The following UNKL variants were observed in gnomAD, a reference collection of about 807,000 sequenced individuals.
UNKL encodes the protein putative E3 ubiquitin-protein ligase UNKL.
UNKL carries 60 observed loss-of-function variants against 78.0 expected under a neutral mutation model. The observed-to-expected ratio is 0.77, with a 90% confidence interval of 0.63 to 0.95. The LOEUF is 0.95. Ranked by LOEUF, UNKL falls within the 40% of genes least tolerant of loss-of-function variation. The pLI, the probability that UNKL is intolerant of heterozygous loss-of-function variation, is 0.00. For synonymous variants in UNKL, 608 were observed against 474.8 expected (o/e 1.28, Z -3.65); for missense variants, 1,159 against 1,045.7 (o/e 1.11, Z -1.49).
intron 2 of UNKL, among the ~76,000 whole-genome samples, chr16:1,404,416 T>C (rs1477408069): frequency 6.6e-6 from 1 of 152,000 alleles, no homozygotes; most frequent in African/African-American, 2.4e-5. Context: ...TCCTCTAAGG[T>C]CAGGAAACAG....
At position 1,368,590 on chromosome 16, in the gene UNKL, C is replaced by A. The variant is rs537331541; in HGVS notation, c.1586-732G>T. Reference sequence around the variant, plus strand: ...GCAGTCCGCAGTCCGGCCTGGGCGACAGAATGAGACTCCGTCTCAAAAAAA... The same window carrying A: ...GCAGTCCGCAGTCCGGCCTGGGCGAAAGAATGAGACTCCGTCTCAAAAAAA... On this transcript the variant is annotated intron_variant, in intron 12 of 14. Transcript: ENST00000389221. Among the ~76,000 whole-genome samples, 93 of 102,560 alleles carry A rather than the reference C, an allele frequency of 9.1e-4. 1 individual carries two copies. The South Asian group carries it at 0.025, about 28-fold the overall frequency. 67.3% of individuals were successfully genotyped at this position (102,560 alleles called of 152,430 possible).
In UNKL at chr16:1,365,864, G is replaced by T. The variant is rs1202344969; in HGVS notation, c.*376C>A. Reference sequence around the variant, plus strand: ...AATTCCTCGGTTTACAAAGTGCTTTGAAAGACCCCAGCTCCCAGTGGCCTA... The same window carrying T: ...AATTCCTCGGTTTACAAAGTGCTTTTAAAGACCCCAGCTCCCAGTGGCCTA... On this transcript the variant is annotated 3_prime_UTR_variant, in exon 15 of 15. Coordinates refer to ENST00000389221, the MANE Select transcript of UNKL (RefSeq NM_001372107.1). 1 of 182,444 alleles carries T rather than the reference G, an allele frequency of 5.5e-6. No homozygotes were observed. The highest frequency in any genetic ancestry group is 1.1e-5 in the Non-Finnish European group (1 of 88,496). The allele number at this position is 182,444 out of a possible 1,614,324, so 11.3% of individuals were successfully genotyped here.
chr16:1,377,423 C>G (rs1017687461), intron 10 of UNKL, among the ~76,000 whole-genome samples: 1 of 152,126 alleles, frequency 6.6e-6, no homozygotes, highest in African/African-American at 2.4e-5. Context: ...CCTCAGGACT[C>G]TGTATCAACA....
intron 1 of UNKL, 128 bp downstream of exon 1, chr16:1,414,487 C>A (rs949521693): frequency 5.2e-6 from 1 of 191,874 alleles, no homozygotes; most frequent in Non-Finnish European, 9.7e-6. Flanking sequence ...AGGGTCGTGG[C>A]CCCCCCAGCC....
intron 11 of UNKL, among the ~76,000 whole-genome samples, chr16:1,370,965 C>T (rs1257469237): frequency 6.6e-6 from 1 of 151,890 alleles, no homozygotes; most frequent in Non-Finnish European, 1.5e-5. Context: ...CACCTGTAGT[C>T]CCAGCTACTC....
chr16:1,389,359 G>A lies in UNKL; in HGVS notation c.1086+1273C>T, dbSNP rs2036951459. Among the ~76,000 whole-genome samples the A allele has an allele frequency of 2.6e-5, 4 of 152,280 alleles. No individual in the cohort carries two copies. The South Asian group carries it at 8.3e-4, about 32-fold the overall frequency. On this transcript the variant is annotated intron_variant, in intron 9 of 14. Transcript: ENST00000389221. Reference sequence around the variant, plus strand: ...CCAACACTTTGGGAGGTCAAAGCAGGAGGATTGCTTGAGCCTAGGAGTTCG... The same window carrying A: ...CCAACACTTTGGGAGGTCAAAGCAGAAGGATTGCTTGAGCCTAGGAGTTCG...
intron 10 of UNKL, chr16:1,379,582 C>T (rs1049307430): frequency 1.0e-6 from 1 of 985,290 alleles, no homozygotes; most frequent in Non-Finnish European, 1.2e-6. Context: ...CGCCGAGTAA[C>T]GAGACCCGCA....
intron 2 of UNKL, chr16:1,412,175 A>C (rs1171441143): frequency 6.6e-6 from 1 of 152,290 alleles, no homozygotes; most frequent in Non-Finnish European, 1.5e-5. Flanking sequence ...CAGTCTGTGA[A>C]TATATAATCT....
chr16:1,378,741 G>C (rs1031087763), intron 10 of UNKL, among the ~76,000 whole-genome samples: 1 of 152,020 alleles, frequency 6.6e-6, no homozygotes. Context: ...GAGAGACTCC[G>C]GCCCCGCTTC....
chr16:1,399,475 C>T lies in UNKL; in HGVS notation c.633G>A (p.Glu211=). Reference sequence around the variant, plus strand: ...ACAGGCGTGGCGGCTTCGGGCACTGCTCCGTCTTGTAGCTGCCCAGCACGA... The same window carrying T: ...ACAGGCGTGGCGGCTTCGGGCACTGTTCCGTCTTGTAGCTGCCCAGCACGA... ...ANFVLGSYKT[E]QCPKPPRLCR... is the part of the protein sequence containing the mutation. Residue 211 remains glutamate (E), a synonymous_variant, in exon 5 of 15, where the codon GAG becomes GAA. Coordinates refer to ENST00000389221, the MANE Select transcript of UNKL (RefSeq NM_001372107.1). This position sits in a 1 kb window ranked among gnomAD's most constrained non-coding sequence, Gnocchi z 5.8. The T allele has an allele frequency of 6.2e-7, 1 of 1,600,938 alleles. No homozygotes were observed. Among genetic ancestry groups the T allele is most frequent in the Non-Finnish European group, 8.5e-7 (1 of 1,174,696 alleles).
chr16:1,408,846 G>A (rs17135323), intron 2 of UNKL: 11,893 of 152,340 alleles, frequency 0.078, 971 homozygotes, highest in East Asian at 0.46. Flanking sequence ...CCTGATACGG[G>A]CTAAGGGTCT....
At chr16:1,368,630 A>G (rs936676680) in intron 12 of UNKL, among the ~76,000 whole-genome samples, 1 of 148,230 alleles carries the variant, frequency 6.7e-6, no homozygotes, top group Non-Finnish European at 1.5e-5. Flanking sequence ...AAAAAAAAAA[A>G]AAAAACAGGC....
chr16:1,391,967 C>T (rs1398656846), intron 8 of UNKL, among the ~76,000 whole-genome samples: 1 of 152,206 alleles, frequency 6.6e-6, no homozygotes, highest in African/African-American at 2.4e-5. Flanking sequence ...GGATTACAGG[C>T]GTGAGCCACC....
At chr16:1,379,788 T>A (rs1291838021) in intron 10 of UNKL, 12 of 767,220 alleles carry the variant, frequency 1.6e-5, no homozygotes, top group Admixed American at 6.5e-5. Flanking sequence ...TCCCCCAACC[T>A]TCCCCCCGAC....
chr16:1,378,778 G>A (rs774770233), intron 10 of UNKL: 3 of 152,010 alleles, frequency 2.0e-5, no homozygotes, highest in African/African-American at 7.3e-5. Context: ...CATCCAAAGA[G>A]AGCACCGGAG....
Position 1,385,896 on chromosome 16 carries a change from G to A in UNKL, c.1087-511C>T, listed in dbSNP as rs112336226. ...ACCACTTCCAAAACATCCATAGCGT[G>A]GTCCTGTGACCTCGTCACCAGGGAA... On this transcript the variant is annotated intron_variant, in intron 9 of 14. Transcript: ENST00000389221. Among the ~76,000 whole-genome samples the A allele has an allele frequency of 1.7e-3, 256 of 152,366 alleles. 3 individuals are homozygous for A. The highest frequency in any genetic ancestry group is 5.3e-3 in the African/African-American group (221 of 41,586).
At chr16:1,377,558 C>T (rs545011010) in intron 10 of UNKL, among the ~76,000 whole-genome samples, 83 of 152,200 alleles carry the variant, frequency 5.5e-4, no homozygotes, top group African/African-American at 2.0e-3. Flanking sequence ...CTCTGCCCAC[C>T]GCTGCCCCGG....
At chr16:1,393,453 C>T (rs957984864) in intron 7 of UNKL, among the ~76,000 whole-genome samples, 2 of 151,754 alleles carry the variant, frequency 1.3e-5, no homozygotes, top group African/African-American at 2.4e-5. Context: ...TGGAGGAGGC[C>T]GCGTGGGTTC....
intron 9 of UNKL, 124 bp downstream of exon 9, chr16:1,390,508 T>C (rs1312318660): frequency 1.0e-6 from 1 of 977,050 alleles, no homozygotes. Context: ...GAGCCGAGAG[T>C]GGGCGGGACC....
Sources: allele counts gnomAD v4.1 joint callset (sites outside exome capture counted in the v4.1 genomes callset), GRCh38; gene constraint gnomAD v4.1.1; non-coding constraint Gnocchi (gnomAD v3.1); transcripts MANE v1.5; gene names NCBI Gene and HGNC (gene_info 2026-07-23, HGNC 2026-07-21).